DLGAP2: variants seen among roughly 807,000 people sequenced by gnomAD.
DLGAP2 encodes the protein DLG associated protein 2.
In DLGAP2, 26 loss-of-function variants were observed where a neutral mutation model predicts 100.3. That is an observed-to-expected ratio of 0.26 (90% CI 0.19 to 0.36). DLGAP2 has a LOEUF of 0.36. DLGAP2 is among the 10% of genes least tolerant of loss of function. The pLI is 1.00. For synonymous variants in DLGAP2, 886 were observed against 630.1 expected (o/e 1.41, Z -6.08); for missense variants, 1,858 against 1,453.2 (o/e 1.28, Z -4.53).
chr8:814,703 AT>A (rs1251787891), intron 1 of DLGAP2, among the ~76,000 whole-genome samples: 1 of 151,616 alleles, frequency 6.6e-6, no homozygotes, highest in African/African-American at 2.4e-5. Context: ...AAAAAAAAAA[AT>A]TAGCTGGGCG....
chr8:1,018,784 C>A (rs1012952329), intron 2 of DLGAP2: 26 of 152,130 alleles, frequency 1.7e-4, no homozygotes, highest in African/African-American at 6.3e-4. Context: ...ACTAAAAAGT[C>A]TTTGCTATTT....
chr8:1,262,501 A>G (rs966044426), intron 3 of DLGAP2: 5 of 152,164 alleles, frequency 3.3e-5, no homozygotes, highest in Admixed American at 6.5e-5. Context: ...TCTGGATGCC[A>G]TTCACAGGAA....
chr8:1,438,950 C>G (rs564625074), intron 3 of DLGAP2, among the ~76,000 whole-genome samples: 1 of 152,126 alleles, frequency 6.6e-6, no homozygotes, highest in African/African-American at 2.4e-5. Flanking sequence ...AAAATAGGAA[C>G]ATTTTGTTAA....
intron 2 of DLGAP2, among the ~76,000 whole-genome samples, chr8:982,229 C>A (rs933171190): frequency 6.6e-6 from 1 of 152,216 alleles, no homozygotes; most frequent in African/African-American, 2.4e-5. Flanking sequence ...AGTACCTAAC[C>A]CACGGGTGAC....
At chr8:1,330,730 ACCAGGAC>A (rs1801135902) in intron 3 of DLGAP2, among the ~76,000 whole-genome samples, 1 of 119,834 alleles carries the variant, frequency 8.3e-6, no homozygotes, top group African/African-American at 3.5e-5. Flanking sequence ...GCGCCACTTC[ACCAGGAC>A]TGAGTTCTGG....
rs978296720 is a variant in DLGAP2, at chr8:828,978, C to G, written c.19-78934C>G. On this transcript the variant is annotated intron_variant, in intron 1 of 14. Coordinates refer to ENST00000637795, the MANE Select transcript of DLGAP2 (RefSeq NM_001346810.2). ...TTTTTATTTCTACTGGGTAATGAAT[C>G]ACTGGCTTTTAGTTAGGGTTTGGGA... Among the ~76,000 whole-genome samples, 8 of 152,268 alleles carry G rather than the reference C, an allele frequency of 5.3e-5. No homozygotes were observed. In the South Asian group the frequency reaches 1.7e-3, roughly 32 times the overall value.
chr8:1,418,387 G>C (rs909623463), intron 3 of DLGAP2, among the ~76,000 whole-genome samples: 1 of 152,138 alleles, frequency 6.6e-6, no homozygotes, highest in Non-Finnish European at 1.5e-5. Context: ...AAAAAGTATA[G>C]CTAATTAATG....
At chr8:1,361,685 G>A (rs1285222649) in intron 3 of DLGAP2, among the ~76,000 whole-genome samples, 1 of 152,170 alleles carries the variant, frequency 6.6e-6, no homozygotes, top group African/African-American at 2.4e-5. Context: ...CTAAATTGAT[G>A]TCAAGCACCT....
At chr8:1,609,314 A>T (rs1796921059) in intron 6 of DLGAP2, among the ~76,000 whole-genome samples, 1 of 139,204 alleles carries the variant, frequency 7.2e-6, no homozygotes, top group Non-Finnish European at 1.6e-5. Context: ...AAGGAGAAAT[A>T]AAATACTTTA....
intron 2 of DLGAP2, among the ~76,000 whole-genome samples, chr8:1,250,052 TG>T (rs1379185718): frequency 6.6e-6 from 1 of 152,114 alleles, no homozygotes; most frequent in African/African-American, 2.4e-5. Flanking sequence ...GGCTAATTTT[TG>T]TATTTTTAGT....
At chr8:1,129,350 C>G (rs1404104405) in intron 2 of DLGAP2, among the ~76,000 whole-genome samples, 1 of 150,240 alleles carries the variant, frequency 6.7e-6, no homozygotes, top group Non-Finnish European at 1.5e-5. Context: ...TTGTAGCCAG[C>G]TGAGATTGCG....
At chr8:1,040,082 AGCTCGGTTTCCGTGGTCG>A (rs1802282963) in intron 2 of DLGAP2, among the ~76,000 whole-genome samples, 2 of 102,224 alleles carry the variant, frequency 2.0e-5, no homozygotes, top group African/African-American at 3.9e-5. Context: ...TTCCGTGGTC[AGCTCGGTTTCCGTGGTCG>A]GCTCGGTGTG....
chr8:1,422,592 A>T lies in DLGAP2; in HGVS notation c.107-78774A>T, dbSNP rs192230025. Among the ~76,000 whole-genome samples, 363 of 149,966 alleles carry T rather than the reference A, an allele frequency of 2.4e-3. 1 individual carries two copies. The highest frequency in any genetic ancestry group is 4.3e-3 in the Non-Finnish European group (289 of 67,632). ...AAAAAAAAAAAGGTGTGGGTGGAACAGACAGGGTGGATGCATCTTGAGAAG... is the reference window on the plus strand; with the variant it reads ...AAAAAAAAAAAGGTGTGGGTGGAACTGACAGGGTGGATGCATCTTGAGAAG... On this transcript the variant is annotated intron_variant, in intron 3 of 14. Coordinates refer to ENST00000637795, the MANE Select transcript of DLGAP2 (RefSeq NM_001346810.2).
At chr8:1,499,642 G>C (rs1343045110) in intron 3 of DLGAP2, among the ~76,000 whole-genome samples, 2 of 152,094 alleles carry the variant, frequency 1.3e-5, no homozygotes, top group African/African-American at 2.4e-5. Flanking sequence ...GAAGAAATGG[G>C]GTTATGTTAA....
chr8:1,050,574 G>A (rs958749899), intron 2 of DLGAP2, among the ~76,000 whole-genome samples: 27 of 152,138 alleles, frequency 1.8e-4, no homozygotes, highest in Non-Finnish European at 2.9e-4. Flanking sequence ...GCCAAGGAGC[G>A]CCTGTCCCTG....
chr8:1,166,719 AC>A (rs1277201194), intron 2 of DLGAP2, among the ~76,000 whole-genome samples: 10 of 152,282 alleles, frequency 6.6e-5, no homozygotes, highest in African/African-American at 2.2e-4. Context: ...CTATCAAAAA[AC>A]ATCACAGTTT....
chr8:1,501,164 A>G (rs879617074), intron 3 of DLGAP2, among the ~76,000 whole-genome samples: 6 of 152,224 alleles, frequency 3.9e-5, no homozygotes, highest in Non-Finnish European at 5.9e-5. Context: ...CTGTGGTCAC[A>G]ATGCTGCTTT....
intron 3 of DLGAP2, among the ~76,000 whole-genome samples, chr8:1,266,957 G>A (rs531941066): frequency 2.0e-5 from 3 of 152,104 alleles, no homozygotes; most frequent in Admixed American, 1.3e-4. Flanking sequence ...AAAAGGGCGC[G>A]GTGGCTCACG....
chr8:1,388,764 G>A (rs1249700629), intron 3 of DLGAP2, among the ~76,000 whole-genome samples: 2 of 119,262 alleles, frequency 1.7e-5, no homozygotes, highest in Admixed American at 8.4e-5. Context: ...GGCAGATGCC[G>A]TGGATGAGGA....
Sources: allele counts gnomAD v4.1 joint callset (sites outside exome capture counted in the v4.1 genomes callset), GRCh38; gene constraint gnomAD v4.1.1; transcripts MANE v1.5; gene names NCBI Gene and HGNC (gene_info 2026-07-23, HGNC 2026-07-21).